Variants in KCNA6 observed in about 807,000 individuals in gnomAD.
KCNA6 encodes the protein potassium voltage-gated channel subfamily A member 6, also known as human brain potassium channel-2.
A neutral mutation model predicts 29.5 loss-of-function variants in KCNA6; 17 were observed. The observed-to-expected ratio is 0.58, with a 90% CI of 0.39 to 0.86. KCNA6 has a LOEUF of 0.86. KCNA6 is among the 40% of genes least tolerant of loss of function. The pLI, the probability that KCNA6 is intolerant of heterozygous loss-of-function variation, is 0.00. For missense variants in KCNA6, 450 were observed against 703.4 expected (o/e 0.64, Z 4.07); for synonymous variants, 296 against 304.7 (o/e 0.97, Z 0.30).
At position 4,810,008 on chromosome 12, in the gene KCNA6, G is replaced by T; in HGVS notation, c.-34G>T. ...CTCCAGAGATTGTGTCGTGGGCGCC[G>T]TCCTAGTGGCGGGGAGCGCACCTCC... On this transcript the variant is annotated 5_prime_UTR_variant, in exon 1 of 1. Transcript: ENST00000280684. This position sits in a 1 kb window ranked among gnomAD's most constrained non-coding sequence, Gnocchi z 7.5. 1 of 1,504,518 alleles carries T rather than the reference G, an allele frequency of 6.6e-7. No homozygotes were observed. The allele number at this position is 1,504,518 out of a possible 1,614,324, so 93.2% of individuals were successfully genotyped here. A position where few individuals can be genotyped will look rare whatever the true frequency, so the allele number is the denominator to read the frequency against.
the KCNA6 span, among the ~76,000 whole-genome samples, chr12:4,838,219 C>T: frequency 0.63 from 96,032 of 152,072 alleles, 31,069 homozygotes; most frequent in Non-Finnish European, 0.69. Context: ...CTCTTTTGTT[C>T]TTGGGATGTC....
the KCNA6 span, among the ~76,000 whole-genome samples, chr12:4,840,895 A>G: frequency 6.6e-6 from 1 of 152,222 alleles, no homozygotes; most frequent in Non-Finnish European, 1.5e-5. Context: ...TGTGAACACA[A>G]AAATTTAGGA....
At chr12:4,827,214 T>TTCC in the KCNA6 span, among the ~76,000 whole-genome samples, 2 of 99,332 alleles carry the variant, frequency 2.0e-5, no homozygotes, top group African/African-American at 3.7e-5. Flanking sequence ...CCCTCCTTCC[T>TTCC]TCCTTCCTTC....
chr12:4,830,003 G>A, the KCNA6 span, among the ~76,000 whole-genome samples: 1 of 152,278 alleles, frequency 6.6e-6, no homozygotes, highest in African/African-American at 2.4e-5. Context: ...GGAAGGGGCA[G>A]CCTCCACTCC....
chr12:4,811,785 C>A lies in KCNA6; in HGVS notation c.*154C>A. The stretch of plus-strand genomic sequence containing the variant: ...ATCCAGGACCAAATACCTGGACTAT[C>A]AACCTTGTTGCTTAATCCCTGCAGC... On this transcript the variant is annotated 3_prime_UTR_variant, in exon 1 of 1. Transcript: ENST00000280684. The surrounding 1 kb of genome is among the most constrained non-coding windows in gnomAD (Gnocchi z 7.1). 1 of 832,220 alleles carries A rather than the reference C, an allele frequency of 1.2e-6. No individual in the cohort carries two copies. Among genetic ancestry groups the A allele is most frequent in the Non-Finnish European group, 1.9e-6 (1 of 528,050 alleles). 51.6% of individuals were successfully genotyped at this position (832,220 alleles called of 1,614,324 possible). A position where few individuals can be genotyped will look rare whatever the true frequency, so the allele number is the denominator to read the frequency against.
the KCNA6 span, among the ~76,000 whole-genome samples, chr12:4,828,459 G>T: frequency 6.6e-6 from 1 of 152,194 alleles, no homozygotes; most frequent in South Asian, 2.1e-4. Flanking sequence ...GTAGATATTT[G>T]TTCACATTTA....
the KCNA6 span, among the ~76,000 whole-genome samples, chr12:4,844,420 G>A: frequency 1.3e-5 from 2 of 152,160 alleles, no homozygotes; most frequent in Non-Finnish European, 2.9e-5. The surrounding 1 kb of genome is among the most constrained non-coding windows in gnomAD (Gnocchi z 4.0). Context: ...GTGGGAGAAG[G>A]CGGTGACCTT....
the KCNA6 span, among the ~76,000 whole-genome samples, chr12:4,827,204 C>CCTT: frequency 1.4e-4 from 17 of 120,492 alleles, no homozygotes; most frequent in South Asian, 6.2e-4. Flanking sequence ...TTCCTTCCTT[C>CCTT]CCTCCTTCCT....
exon 1 of KCNA6, chr12:4,809,506 C>G (rs1053344249): frequency 3.3e-5 from 5 of 151,812 alleles, no homozygotes; most frequent in Admixed American, 3.3e-4. Flanking sequence ...CGACCTTGGC[C>G]GGACCCAGCC....
chr12:4,809,999 G>T (rs749128542), exon 1 of KCNA6: 3 of 1,501,014 alleles, frequency 2.0e-6, no homozygotes, highest in East Asian at 2.3e-5. Context: ...AGATTGTGTC[G>T]TGGGCGCCGT....
At chr12:4,829,633 C>A in the KCNA6 span, among the ~76,000 whole-genome samples, 2 of 152,032 alleles carry the variant, frequency 1.3e-5, no homozygotes, top group Non-Finnish European at 2.9e-5. Context: ...AGTACCACTT[C>A]CTGTCCTTCT....
At chr12:4,844,298 T>A in the KCNA6 span, among the ~76,000 whole-genome samples, 1 of 152,178 alleles carries the variant, frequency 6.6e-6, no homozygotes, top group Non-Finnish European at 1.5e-5. This position sits in a 1 kb window ranked among gnomAD's most constrained non-coding sequence, Gnocchi z 4.0. Flanking sequence ...CATCTCATTA[T>A]AATGAGGTGG....
chr12:4,837,428 A>C, the KCNA6 span, among the ~76,000 whole-genome samples: 1 of 152,194 alleles, frequency 6.6e-6, no homozygotes, highest in Non-Finnish European at 1.5e-5. Context: ...CCTCAGAAGC[A>C]CAGGCAAAAC....
At chr12:4,844,475 A>G in the KCNA6 span, among the ~76,000 whole-genome samples, 4 of 152,152 alleles carry the variant, frequency 2.6e-5, no homozygotes, top group Non-Finnish European at 4.4e-5. The surrounding 1 kb of genome is among the most constrained non-coding windows in gnomAD (Gnocchi z 4.0). Context: ...GGATGGGAGG[A>G]CTGGACCTTG....
chr12:4,835,324 C>CG, the KCNA6 span, among the ~76,000 whole-genome samples: 52 of 152,060 alleles, frequency 3.4e-4, 1 homozygote, highest in South Asian at 0.01. Context: ...TTAGTAGAGA[C>CG]GGGGTTTCAC....
At chr12:4,822,584 G>T in the KCNA6 span, among the ~76,000 whole-genome samples, 317 of 152,316 alleles carry the variant, frequency 2.1e-3, 1 homozygote, top group Non-Finnish European at 1.9e-3. Flanking sequence ...AATGTGTGAT[G>T]TAATTCAGAA....
At chr12:4,809,822 ACCAAATC>A (rs1946603710) in exon 1 of KCNA6, 1 of 507,572 alleles carries the variant, frequency 2.0e-6, no homozygotes, top group African/African-American at 2.0e-5. Context: ...GAAGCGCAGA[ACCAAATC>A]CCCAGCGCCC....
chr12:4,850,212 G>T, the KCNA6 span, among the ~76,000 whole-genome samples: 1 of 152,194 alleles, frequency 6.6e-6, no homozygotes, highest in Non-Finnish European at 1.5e-5. The surrounding 1 kb of genome is among the most constrained non-coding windows in gnomAD (Gnocchi z 5.4). Flanking sequence ...CATGGTAGGG[G>T]CGGGGTAAGG....
chr12:4,824,667 C>T, the KCNA6 span, among the ~76,000 whole-genome samples: 1 of 152,178 alleles, frequency 6.6e-6, no homozygotes, highest in Non-Finnish European at 1.5e-5. Context: ...CATGACTCAG[C>T]TATTCACTTG....
Sources: gnomAD v4.1 joint callset for allele counts (sites outside exome capture counted in the v4.1 genomes callset) on GRCh38, gnomAD v4.1.1 for gene constraint, Gnocchi (gnomAD v3.1) non-coding constraint, MANE v1.5 for transcripts, NCBI Gene and HGNC (gene_info 2026-07-23, HGNC 2026-07-21) for gene names.